The following BRINP3 variants were observed in gnomAD, a reference collection of about 807,000 sequenced individuals.
The protein encoded by BRINP3 is BMP/retinoic acid inducible neural specific 3.
Under a neutral mutation model 71.0 loss-of-function variants are expected in BRINP3, and 19 were observed. The ratio of observed to expected loss-of-function variants is 0.27; its 90% CI spans 0.19 to 0.39. The LOEUF (loss-of-function observed/expected upper bound fraction) is 0.39. Among genes scored for constraint, BRINP3 ranks in the 10% least tolerant of loss-of-function variants. The pLI is 1.00. For missense variants in BRINP3, 959 were observed against 940.8 expected (o/e 1.02, Z -0.25); for synonymous variants, 380 against 337.7 (o/e 1.13, Z -1.37).
At chr1:190,408,271 C>G (rs1210193530) in intron 2 of BRINP3, among the ~76,000 whole-genome samples, 2 of 151,584 alleles carry the variant, frequency 1.3e-5, no homozygotes, top group Non-Finnish European at 2.9e-5. Context: ...GTCTCGATCT[C>G]CTGACCTTGA....
At chr1:190,312,619 T>C (rs931861390) in intron 2 of BRINP3, among the ~76,000 whole-genome samples, 5 of 151,730 alleles carry the variant, frequency 3.3e-5, no homozygotes, top group African/African-American at 1.2e-4. Context: ...ATGATTTTTT[T>C]CCCAAAGTTA....
chr1:190,307,679 T>C (rs1421686771), intron 2 of BRINP3, among the ~76,000 whole-genome samples: 1 of 151,532 alleles, frequency 6.6e-6, no homozygotes, highest in African/African-American at 2.4e-5. Context: ...TCATCAGTAA[T>C]GTGAAGCACT....
intron 6 of BRINP3, among the ~76,000 whole-genome samples, chr1:190,172,103 A>G (rs528446130): frequency 1.3e-5 from 2 of 149,960 alleles, no homozygotes; most frequent in Non-Finnish European, 1.5e-5. Context: ...TTATATCAAA[A>G]ATAAATTTAA....
intron 5 of BRINP3, among the ~76,000 whole-genome samples, chr1:190,226,657 A>G (rs1468675764): frequency 1.3e-5 from 2 of 151,972 alleles, no homozygotes; most frequent in African/African-American, 4.8e-5. Flanking sequence ...GAAAATACAC[A>G]TATGCATTTA....
rs1275622318 is a variant in BRINP3 at position 190,251,771 on chromosome 1, A to G, written c.618+13094T>C. Among the ~76,000 whole-genome samples the G allele has an allele frequency of 3.3e-5, 5 of 151,094 alleles. No homozygotes were observed. The East Asian group carries it at 9.8e-4, about 30-fold the overall frequency. ...AGATGTTTTTTGCATTTCACTTAAT[A>G]TGATATTTAACAATACTCTTTAACA... On this transcript the variant is annotated intron_variant, in intron 4 of 7. Transcript: ENST00000367462.
At chr1:190,422,967 G>C (rs1305741732) in intron 2 of BRINP3, among the ~76,000 whole-genome samples, 1 of 151,678 alleles carries the variant, frequency 6.6e-6, no homozygotes, top group Non-Finnish European at 1.5e-5. Context: ...TGAAAAACTA[G>C]TTTTTCTCAT....
At position 190,388,938 on chromosome 1, in the gene BRINP3, A is replaced by T. The variant is rs1271065988; in HGVS notation, c.236+65717T>A. Among the ~76,000 whole-genome samples, 4 of 151,910 alleles carry T rather than the reference A, an allele frequency of 2.6e-5. No individual in the cohort carries two copies. In the East Asian group the frequency reaches 7.8e-4, roughly 29 times the overall value. ...AAAGATGTCCCTGAAATGAGGCACT[A>T]GTCAGGTTCTCACTTATTTACTGAG... On this transcript the variant is annotated intron_variant, in intron 2 of 7. Coordinates refer to ENST00000367462, the MANE Select transcript of BRINP3 (RefSeq NM_199051.3).
At chr1:190,233,908 A>G (rs1279560388) in intron 5 of BRINP3, among the ~76,000 whole-genome samples, 5 of 152,204 alleles carry the variant, frequency 3.3e-5, no homozygotes, top group Non-Finnish European at 7.3e-5. Flanking sequence ...TATTTTGTTA[A>G]TATATCCTTA....
chr1:190,334,450 A>G (rs553027441), intron 2 of BRINP3, among the ~76,000 whole-genome samples: 1 of 151,942 alleles, frequency 6.6e-6, no homozygotes, highest in East Asian at 1.9e-4. Flanking sequence ...TTCCATTCTT[A>G]TAATTTTCAG....
At position 190,098,950 on chromosome 1, in the gene BRINP3, G is replaced by A. The variant is rs751599988; in HGVS notation, c.1369C>T (p.Arg457Cys). Residue 457 changes from arginine (R) to cysteine (C), a missense_variant, in exon 8 of 8, where the codon CGC (arginine) becomes TGC (cysteine). Arg to Cys is a radical substitution (Grantham distance 180). Transcript: ENST00000367462. ...GTGTTGCAGGTGCCGCAGCGGGTGC[G>A]GTTGTCTGGTGCGCATGTCAGGCAG... The part of the protein sequence containing the change: ...SACLTCAPDN[R>C]TRCGTCNTGY... The A allele has an allele frequency of 1.9e-6, 3 of 1,614,122 alleles. No homozygotes were observed. The highest frequency in any genetic ancestry group is 1.1e-5 in the South Asian group (1 of 91,080).
rs746106056 is a variant in BRINP3, at chr1:190,113,810, G to A, written c.1185-14676C>T. On this transcript the variant is annotated intron_variant, in intron 7 of 7. Transcript: ENST00000367462. ...TGAAATGAGACCTGTCCAATCCATG[G>A]TTTGGGGACTCCAAAGCTGTGTGAT... is the stretch of plus-strand genomic sequence containing the variant. Among the ~76,000 whole-genome samples the A allele has an allele frequency of 1.1e-3, 171 of 152,106 alleles. 2 individuals carry two copies. Among genetic ancestry groups the A allele is most frequent in the Non-Finnish European group, 1.0e-4 (7 of 68,032 alleles).
chr1:190,346,864 T>A (rs1008729407), intron 2 of BRINP3, among the ~76,000 whole-genome samples: 3 of 152,114 alleles, frequency 2.0e-5, no homozygotes, highest in Non-Finnish European at 2.9e-5. Flanking sequence ...CATTTGGATA[T>A]CTTCCACAAG....
rs530516187 is a variant in BRINP3, at chr1:190,415,871, T to C, written c.236+38784A>G. 3.3e-5 allele frequency among the ~76,000 whole-genome samples: 5 copies of C among 152,296 alleles called. No individual in the cohort carries two copies. The East Asian group carries it at 9.6e-4, about 29-fold the overall frequency. ...TGAGTGAACTATAACACCACCACTG[T>C]CCGCCAAGCTGGGTGACAGAGTAAG... On this transcript the variant is annotated intron_variant, in intron 2 of 7. Transcript: ENST00000367462.
At chr1:190,363,592 G>C (rs1669294531) in intron 2 of BRINP3, among the ~76,000 whole-genome samples, 1 of 152,078 alleles carries the variant, frequency 6.6e-6, no homozygotes, top group Non-Finnish European at 1.5e-5. Context: ...GGGCATAACA[G>C]GTGAGATTTC....
chr1:190,152,321 G>A (rs1357756363), intron 7 of BRINP3, among the ~76,000 whole-genome samples: 1 of 151,590 alleles, frequency 6.6e-6, no homozygotes, highest in Non-Finnish European at 1.5e-5. Flanking sequence ...TAGCTTTCAT[G>A]CTAGATACCA....
chr1:190,392,069 A>G (rs939532614), intron 2 of BRINP3, among the ~76,000 whole-genome samples: 11 of 146,658 alleles, frequency 7.5e-5, no homozygotes, highest in African/African-American at 2.7e-4. Context: ...AAAAAAAAAA[A>G]ATGATTTAAT....
intron 2 of BRINP3, among the ~76,000 whole-genome samples, chr1:190,329,966 C>T (rs1178270356): frequency 1.3e-5 from 2 of 151,294 alleles, no homozygotes; most frequent in African/African-American, 4.9e-5. Flanking sequence ...CCATACCATT[C>T]ATCATAAAAA....
chr1:190,301,166 C>CATATATACATATATATAT (rs1558160237), intron 2 of BRINP3, among the ~76,000 whole-genome samples: 1 of 38,022 alleles, frequency 2.6e-5, no homozygotes. Flanking sequence ...TATATATATA[C>CATATATACATATATATAT]ATATATATAC....
At chr1:190,203,668 G>T (rs1243990601) in intron 6 of BRINP3, among the ~76,000 whole-genome samples, 3 of 146,866 alleles carry the variant, frequency 2.0e-5, no homozygotes, top group South Asian at 2.1e-4. Flanking sequence ...TCCCCTAGGA[G>T]ATTTCCCTAA....
Sources: allele counts gnomAD v4.1 joint callset (sites outside exome capture counted in the v4.1 genomes callset), GRCh38; gene constraint gnomAD v4.1.1; transcripts MANE v1.5; gene names NCBI Gene and HGNC (gene_info 2026-07-23, HGNC 2026-07-21).